CAPN2: variants seen among roughly 807,000 people sequenced by gnomAD.
CAPN2 encodes calpain 2, also known as calpain-2 catalytic subunit.
In CAPN2, 92 loss-of-function variants were observed where a neutral mutation model predicts 102.3. The observed-to-expected ratio is 0.90, with a 90% CI of 0.76 to 1.07. CAPN2 has a LOEUF of 1.07. CAPN2 is among the 50% of genes least tolerant of loss of function. The probability of loss-of-function intolerance (pLI) is 0.00; values close to 1 mark genes in which losing one functional copy is unlikely to be tolerated. For missense variants in CAPN2, 800 were observed against 909.4 expected (o/e 0.88, Z 1.55); for synonymous variants, 340 against 355.4 (o/e 0.96, Z 0.49).
chr1:223,766,943 G>A (rs1160854789), intron 16 of CAPN2, among the ~76,000 whole-genome samples: 2 of 151,266 alleles, frequency 1.3e-5, no homozygotes, highest in Admixed American at 6.6e-5. Flanking sequence ...CTGGGTGACA[G>A]AGCGTGACTC....
At chr1:223,764,476 CAG>C (rs1363453741) in intron 15 of CAPN2, among the ~76,000 whole-genome samples, 2 of 152,094 alleles carry the variant, frequency 1.3e-5, no homozygotes, top group African/African-American at 4.8e-5. Flanking sequence ...ATTTTTGAGA[CAG>C]AGTCTCACTC....
intron 3 of CAPN2, among the ~76,000 whole-genome samples, chr1:223,744,613 C>T (rs565995372): frequency 1.3e-5 from 2 of 152,194 alleles, no homozygotes; most frequent in Non-Finnish European, 2.9e-5. Context: ...GTAATCTCAG[C>T]ACTTTGGGAG....
Position 223,720,585 on chromosome 1 carries a change from G to A in CAPN2, c.307+2754G>A, listed in dbSNP as rs573131734. ...ACCCACCTCGGCCTCCCAAAGTGCT[G>A]GGATTACAGGCGTGAGCCACTGCGC... is the stretch of plus-strand genomic sequence containing the variant. On this transcript the variant is annotated intron_variant, in intron 2 of 20. Transcript: ENST00000295006. Among the ~76,000 whole-genome samples, 112 of 152,174 alleles carry A rather than the reference G, an allele frequency of 7.4e-4. 1 individual carries two copies. Among genetic ancestry groups the A allele is most frequent in the Admixed American group, 2.5e-3 (38 of 15,300 alleles).
At chr1:223,736,366 A>G (rs1476153257) in intron 2 of CAPN2, among the ~76,000 whole-genome samples, 1 of 152,212 alleles carries the variant, frequency 6.6e-6, no homozygotes, top group Non-Finnish European at 1.5e-5. Context: ...CCTGGTGCCC[A>G]GAGACAAAAA....
chr1:223,739,347 C>G (rs981206243), intron 2 of CAPN2, among the ~76,000 whole-genome samples: 12 of 152,022 alleles, frequency 7.9e-5, no homozygotes, highest in African/African-American at 2.4e-4. Flanking sequence ...ACATGCCTGG[C>G]TAATTTTTGT....
intron 2 of CAPN2, among the ~76,000 whole-genome samples, chr1:223,730,578 T>A (rs1660314037): frequency 6.6e-6 from 1 of 152,212 alleles, no homozygotes; most frequent in Non-Finnish European, 1.5e-5. Context: ...TGTCATGTGA[T>A]GCTCTACTAG....
At chr1:223,722,759 A>G (rs1393654248) in intron 2 of CAPN2, among the ~76,000 whole-genome samples, 1 of 152,282 alleles carries the variant, frequency 6.6e-6, no homozygotes, top group East Asian at 1.9e-4. Context: ...AACATGTTAC[A>G]TCAGTGTGGT....
In CAPN2 at chr1:223,755,532, G is replaced by A. The variant is rs1177887179; in HGVS notation, c.1188G>A (p.Glu396=). The A allele has an allele frequency of 1.9e-6, 3 of 1,613,776 alleles. No homozygotes were observed. Among genetic ancestry groups the A allele is most frequent in the Non-Finnish European group, 2.5e-6 (3 of 1,180,030 alleles). The change falls in exon 10 of 21, where the codon GAG becomes GAA. Residue 396 remains glutamate (E), a synonymous_variant. Transcript: ENST00000295006. The surrounding 1 kb of genome is among the most constrained non-coding windows in gnomAD (Gnocchi z 4.1). ...QYLIKLEEED[E]DEEDGESGCT... ...TGATCAAGCTGGAGGAGGAGGATGAGGACGAGGAGGATGGGGAGAGCGGCT... is the reference window on the plus strand; with the variant it reads ...TGATCAAGCTGGAGGAGGAGGATGAAGACGAGGAGGATGGGGAGAGCGGCT...
At chr1:223,721,018 T>C (rs145303832) in intron 2 of CAPN2, among the ~76,000 whole-genome samples, 488 of 152,300 alleles carry the variant, frequency 3.2e-3, no homozygotes, top group Non-Finnish European at 5.3e-3. Context: ...ACTTGTGCAC[T>C]TTGCAACGCC....
At chr1:223,722,480 G>C in intron 2 of CAPN2, among the ~76,000 whole-genome samples, 1 of 151,262 alleles carries the variant, frequency 6.6e-6, no homozygotes, top group East Asian at 1.9e-4. Context: ...GTGTGGAGAT[G>C]GGGTCTCACT....
rs774707795 is a variant in CAPN2 at position 223,752,871 on chromosome 1, CG to C, written c.1051del (p.Asp351IlefsTer33). 1 of 1,614,094 alleles carries C rather than the reference CG, an allele frequency of 6.2e-7. No homozygotes were observed. The highest frequency in any genetic ancestry group is 1.7e-5 in the Admixed American group (1 of 60,020). On this transcript the variant is annotated frameshift_variant, in exon 9 of 21. Coordinates refer to ENST00000295006, the MANE Select transcript of CAPN2 (RefSeq NM_001748.5). LOFTEE classifies it high-confidence loss of function. ...CNLTPDTLTS[D>X]TYKKWKLTKM... ...ACCTGACCCCAGACACTCTCACCAG[CG>C]ATACCTACAAGAAGTGGAAACTCAC...
intron 1 of CAPN2, among the ~76,000 whole-genome samples, chr1:223,716,708 G>A (rs993612573): frequency 1.3e-5 from 2 of 151,934 alleles, no homozygotes; most frequent in Admixed American, 6.6e-5. Context: ...GGTTGCCTGA[G>A]CCCAGAGAGG....
intron 2 of CAPN2, among the ~76,000 whole-genome samples, chr1:223,735,058 G>A (rs570325041): frequency 5.4e-4 from 82 of 152,216 alleles, no homozygotes; most frequent in African/African-American, 1.9e-3. Context: ...GGGGTTCCAG[G>A]TCTCTAAAGC....
chr1:223,773,482 T>C (rs975967715), intron 20 of CAPN2, among the ~76,000 whole-genome samples: 4 of 152,040 alleles, frequency 2.6e-5, no homozygotes, highest in Admixed American at 6.6e-5. Context: ...TCACCTGAGG[T>C]TGGGAGTTCG....
intron 1 of CAPN2, among the ~76,000 whole-genome samples, chr1:223,704,165 C>T (rs920308262): frequency 1.3e-5 from 2 of 152,030 alleles, no homozygotes; most frequent in Non-Finnish European, 2.9e-5. Flanking sequence ...GTGGCGCATG[C>T]CTGTAATCCC....
rs774285410 is a variant in CAPN2, at chr1:223,751,993, C to G, written c.900-4C>G. On this transcript the variant is annotated splice_region_variant and splice_polypyrimidine_tract_variant and intron_variant, in intron 7 of 20. Coordinates refer to ENST00000295006, the MANE Select transcript of CAPN2 (RefSeq NM_001748.5). ...AACGCCTCTCTCTTTACTTTGTTTT[C>G]CAGCTGCCCAAGCTGGAACACTATA... 17 of 1,596,378 alleles carry G rather than the reference C, an allele frequency of 1.1e-5. No individual in the cohort carries two copies. The highest frequency in any genetic ancestry group is 1.4e-5 in the Non-Finnish European group (16 of 1,171,466).
chr1:223,749,213 C>A, intron 6 of CAPN2, 91 bp downstream of exon 6: 1 of 1,157,516 alleles, frequency 8.6e-7, no homozygotes, highest in Non-Finnish European at 1.3e-6. Context: ...GCCCGCGCGG[C>A]CCCACGGTGG....
rs566818883 is a variant in CAPN2 at position 223,770,457 on chromosome 1, G to A, written c.1835G>A (p.Arg612Gln). The A allele has an allele frequency of 3.9e-5, 63 of 1,613,116 alleles. No homozygotes were observed. Among genetic ancestry groups the A allele is most frequent in the Middle Eastern group, 3.3e-4 (2 of 6,052 alleles). The change falls in exon 18 of 21, where the codon CGA (arginine) becomes CAA (glutamine). Residue 612 changes from arginine to glutamine, a missense_variant. Transcript: ENST00000295006. ...ACTTATGTGTTCCAGAAAATTTACC[G>A]AGAAATCGACGTTGACAGGTCTGGT... is the stretch of plus-strand genomic sequence containing the variant. ...TKIQKYQKIY[R>Q]EIDVDRSGTM...
intron 4 of CAPN2, among the ~76,000 whole-genome samples, chr1:223,746,095 G>A (rs889402273): frequency 9.2e-5 from 14 of 152,056 alleles, no homozygotes; most frequent in African/African-American, 2.2e-4. Flanking sequence ...TGTGCCGCCC[G>A]GCTCCTTCCA....
Sources: allele counts gnomAD v4.1 joint callset (sites outside exome capture counted in the v4.1 genomes callset), GRCh38; gene constraint gnomAD v4.1.1; non-coding constraint Gnocchi (gnomAD v3.1); transcripts MANE v1.5; gene names NCBI Gene and HGNC (gene_info 2026-07-23, HGNC 2026-07-21).